The following PRIMPOL variants were observed in gnomAD, a reference collection of about 807,000 sequenced individuals.
The protein encoded by PRIMPOL is DNA-directed primase/polymerase protein.
A neutral mutation model predicts 63.6 loss-of-function variants in PRIMPOL; 54 were observed. The observed-to-expected ratio is 0.85, with a 90% CI of 0.68 to 1.07. The LOEUF (loss-of-function observed/expected upper bound fraction) is 1.07, where lower values mean the gene tolerates loss of function less well. PRIMPOL is among the 50% of genes least tolerant of loss of function. The probability of loss-of-function intolerance (pLI) is 0.00; values close to 1 mark genes in which losing one functional copy is unlikely to be tolerated. For synonymous variants in PRIMPOL, 197 were observed against 220.2 expected (o/e 0.89, Z 0.93); for missense variants, 610 against 648.3 (o/e 0.94, Z 0.64).
intron 13 of PRIMPOL, chr4:184,694,233 A>G (rs1449475986): frequency 9.0e-7 from 1 of 1,107,014 alleles, no homozygotes; most frequent in Non-Finnish European, 1.1e-6. Context: ...TTGTTAAAAA[A>G]TTAAATCCAC....
chr4:184,676,331 C>G (rs566569495), intron 7 of PRIMPOL, among the ~76,000 whole-genome samples: 1 of 139,422 alleles, frequency 7.2e-6, no homozygotes, highest in Non-Finnish European at 1.6e-5. Flanking sequence ...CTTTCCTTCC[C>G]TTCCCTTCCT....
At chr4:184,677,563 A>G (rs886486786) in intron 7 of PRIMPOL, among the ~76,000 whole-genome samples, 1 of 152,012 alleles carries the variant, frequency 6.6e-6, no homozygotes, top group Non-Finnish European at 1.5e-5. Flanking sequence ...ATAAGTCTTT[A>G]TATCTAGGAA....
chr4:184,665,545 C>T (rs1392737470), intron 5 of PRIMPOL, among the ~76,000 whole-genome samples: 1 of 150,458 alleles, frequency 6.6e-6, no homozygotes, highest in Non-Finnish European at 1.5e-5. Flanking sequence ...ACACTGTCAC[C>T]CAGACTGGAG....
rs1006086256 is a variant in PRIMPOL, at chr4:184,693,991, T to C, written c.1426-531T>C. 3.3e-5 allele frequency among the ~76,000 whole-genome samples: 5 copies of C among 152,332 alleles called. No homozygotes were observed. In the East Asian group the frequency reaches 7.7e-4, roughly 23 times the overall value. The stretch of plus-strand genomic sequence containing the variant: ...ATAAGGACATTCTTTACATAAATAA[T>C]GTATTGGGCGGATCAACTAAATGTC... On this transcript the variant is annotated intron_variant, in intron 13 of 13. Coordinates refer to ENST00000314970, the MANE Select transcript of PRIMPOL (RefSeq NM_152683.4).
intron 7 of PRIMPOL, among the ~76,000 whole-genome samples, chr4:184,673,037 A>T (rs1460336933): frequency 6.6e-6 from 1 of 152,166 alleles, no homozygotes; most frequent in Non-Finnish European, 1.5e-5. Context: ...TCGAGACCCT[A>T]ACACAACAGC....
intron 2 of PRIMPOL, among the ~76,000 whole-genome samples, chr4:184,654,533 C>G (rs1579275629): frequency 7.0e-6 from 1 of 142,594 alleles, no homozygotes; most frequent in Non-Finnish European, 1.5e-5. Context: ...TCACTGCAAG[C>G]TCTGCCTCCC....
intron 11 of PRIMPOL, among the ~76,000 whole-genome samples, chr4:184,688,744 C>G (rs1162972513): frequency 6.6e-6 from 1 of 152,194 alleles, no homozygotes; most frequent in Non-Finnish European, 1.5e-5. Flanking sequence ...TTACCAAATG[C>G]AGTTCTAAAG....
intron 4 of PRIMPOL, among the ~76,000 whole-genome samples, chr4:184,660,978 G>A (rs571835758): frequency 5.9e-5 from 9 of 152,162 alleles, no homozygotes; most frequent in South Asian, 2.1e-4. Context: ...AAACATGAGC[G>A]TTGGGAGCTT....
rs1459006935 is a variant in PRIMPOL, at chr4:184,694,631, T to C, written c.1535T>C (p.Val512Ala). The stretch of plus-strand genomic sequence containing the variant: ...TCAACAGGTGCATCTGCTGATGCTG[T>C]CTGGGATAATGGCATTGATGATGCT... ...RLSTGASADA[V>A]WDNGIDDAYF... Residue 512 changes from valine (V) to alanine (A), a missense_variant, in exon 14 of 14, where the codon GTC becomes GCC. By Grantham distance (64) the Val-to-Ala change is moderately conservative. Transcript: ENST00000314970. 8.7e-6 allele frequency: 14 copies of C among 1,614,058 alleles called. No individual in the cohort carries two copies. The Middle Eastern group carries it at 4.9e-4, about 57-fold the overall frequency.
At chr4:184,682,876 C>G (rs529736872) in intron 9 of PRIMPOL, among the ~76,000 whole-genome samples, 5 of 149,554 alleles carry the variant, frequency 3.3e-5, no homozygotes, top group Admixed American at 6.7e-5. Flanking sequence ...TTAGCAAAAC[C>G]CTATCTCTAC....
intron 9 of PRIMPOL, among the ~76,000 whole-genome samples, chr4:184,683,528 G>T (rs1323803699): frequency 6.6e-6 from 1 of 152,090 alleles, no homozygotes; most frequent in Non-Finnish European, 1.5e-5. Context: ...AAAATGTAAA[G>T]TTCTTTTTCA....
chr4:184,691,472 A>G, intron 11 of PRIMPOL, 27 bp from the exon 12 acceptor site: 1 of 1,207,358 alleles, frequency 8.3e-7, no homozygotes, highest in African/African-American at 1.7e-5. Context: ...TGGTATTAAT[A>G]CTTTTTTTTT....
At chr4:184,662,249 G>A (rs2150055256) in intron 5 of PRIMPOL, among the ~76,000 whole-genome samples, 1 of 152,188 alleles carries the variant, frequency 6.6e-6, no homozygotes, top group Admixed American at 6.5e-5. Context: ...AATTTTTACT[G>A]TAAAAATTGG....
intron 4 of PRIMPOL, among the ~76,000 whole-genome samples, chr4:184,660,627 G>A (rs1286261124): frequency 6.6e-6 from 1 of 152,168 alleles, no homozygotes; most frequent in African/African-American, 2.4e-5. Flanking sequence ...TGATATACAT[G>A]CAACACCAGT....
chr4:184,654,861 G>A (rs1479238248), intron 2 of PRIMPOL, among the ~76,000 whole-genome samples: 1 of 152,064 alleles, frequency 6.6e-6, no homozygotes, highest in African/African-American at 2.4e-5. Flanking sequence ...TTATATTTCT[G>A]TTTCCTAGTA....
At position 184,682,804 on chromosome 4, in the gene PRIMPOL, C is replaced by A. The variant is rs186440298; in HGVS notation, c.1096+468C>A. 6.4e-3 allele frequency among the ~76,000 whole-genome samples: 978 copies of A among 152,270 alleles called. 4 individuals are homozygous for A. Among genetic ancestry groups the A allele is most frequent in the Non-Finnish European group, 0.012 (792 of 68,026 alleles). Reference sequence around the variant, plus strand: ...GGGGCTCACACCTGTAATTCCAGCACTTTGGGAGGCTGAGGCGGGAGGATC... The same window carrying A: ...GGGGCTCACACCTGTAATTCCAGCAATTTGGGAGGCTGAGGCGGGAGGATC... On this transcript the variant is annotated intron_variant, in intron 9 of 13. Coordinates refer to ENST00000314970, the MANE Select transcript of PRIMPOL (RefSeq NM_152683.4).
At chr4:184,661,753 A>G in intron 4 of PRIMPOL, 21 bp from the exon 5 acceptor site, 2 of 1,491,186 alleles carry the variant, frequency 1.3e-6, no homozygotes, top group Non-Finnish European at 1.9e-6. Context: ...CAATTTAACA[A>G]TCTTGAATTA....
At chr4:184,673,778 A>G (rs1280023545) in intron 7 of PRIMPOL, among the ~76,000 whole-genome samples, 1 of 152,180 alleles carries the variant, frequency 6.6e-6, no homozygotes, top group Admixed American at 6.5e-5. Flanking sequence ...CAGTGTGTAA[A>G]GGTTGAGGGA....
chr4:184,650,728 A>G (rs908077216), intron 1 of PRIMPOL, among the ~76,000 whole-genome samples: 2 of 152,238 alleles, frequency 1.3e-5, no homozygotes. Context: ...GACATTCTGC[A>G]TCAGATTTCA....
Sources: gnomAD v4.1 joint callset for allele counts (sites outside exome capture counted in the v4.1 genomes callset) on GRCh38, gnomAD v4.1.1 for gene constraint, MANE v1.5 for transcripts, NCBI Gene and HGNC (gene_info 2026-07-23, HGNC 2026-07-21) for gene names.